Variants in PGAP2 observed in about 807,000 individuals in gnomAD.
PGAP2 encodes acyltransferase PGAP2.
Under a neutral mutation model 33.2 loss-of-function variants are expected in PGAP2, and 21 were observed. The ratio of observed to expected loss-of-function variants is 0.63; its 90% CI spans 0.45 to 0.91. PGAP2 has a LOEUF of 0.91. Ranked by LOEUF, PGAP2 falls within the 40% of genes least tolerant of loss-of-function variation. The pLI is 0.00. For missense variants in PGAP2, 345 were observed against 424.0 expected, an observed-to-expected ratio of 0.81 and a Z score of 1.64; for synonymous variants, 161 against 172.9, an observed-to-expected ratio of 0.93 and a Z score of 0.54.
At chr11:3,808,354 C>G (rs1427133344), upstream of PGAP2, 6 of 1,550,712 alleles carry the variant, frequency 3.9e-6, no homozygotes, top group South Asian at 6.0e-5. Flanking sequence ...TGCTCAAACT[C>G]AGGTATCCAG....
intron 1 of PGAP2, 137 bp downstream of exon 1, chr11:3,808,788 T>C (rs1249406344): frequency 1.6e-5 from 4 of 252,458 alleles, no homozygotes; most frequent in Admixed American, 6.4e-5. Context: ...ACACTCTGTT[T>C]CCCAGGAACT....
chr11:3,821,088 T>G (rs1446382219), intron 3 of PGAP2, among the ~76,000 whole-genome samples: 1 of 152,268 alleles, frequency 6.6e-6, no homozygotes, highest in East Asian at 1.9e-4. Flanking sequence ...AGCTATGGCT[T>G]TGAGACCAGC....
rs1362170350 is a variant in PGAP2, at chr11:3,825,753, C to T, written c.*295C>T. 7.1e-6 allele frequency: 2 copies of T among 281,300 alleles called. No individual in the cohort carries two copies. The highest frequency in any genetic ancestry group is 5.0e-5 in the South Asian group (1 of 20,120). 17.4% of individuals were successfully genotyped at this position (281,300 alleles called of 1,614,324 possible). On this transcript the variant is annotated 3_prime_UTR_variant, in exon 7 of 7. Coordinates refer to ENST00000278243, the MANE Select transcript of PGAP2 (RefSeq NM_014489.4). ...AAAAAAACGTCCTGAGGTTCATGACCACCATCCAGTTTCTGGCCTTTACAC... is the reference window on the plus strand; with the variant it reads ...AAAAAAACGTCCTGAGGTTCATGACTACCATCCAGTTTCTGGCCTTTACAC...
chr11:3,803,374 G>A (rs1331126123), intron 1 of PGAP2, among the ~76,000 whole-genome samples: 3 of 147,356 alleles, frequency 2.0e-5, no homozygotes, highest in African/African-American at 7.6e-5. Context: ...TGATCCACCT[G>A]CCTCGGCCTC....
intron 1 of PGAP2, among the ~76,000 whole-genome samples, chr11:3,798,661 G>C (rs1205401700): frequency 4.3e-5 from 5 of 116,910 alleles, no homozygotes; most frequent in Middle Eastern, 8.9e-3. Context: ...TTGAGATGGA[G>C]TCTTGCTCTG....
chr11:3,798,206 A>G lies in PGAP2; in HGVS notation c.139+224A>G, dbSNP rs1213494019. On this transcript the variant is annotated intron_variant, in intron 1 of 6. Coordinates refer to the PGAP2 transcript ENST00000300730. ...CCCAGCACTTTCTTTCCCTCCCTGA[A>G]TTTCTAGGATGGACATTAGGAGCAT... 2.5e-6 allele frequency: 3 copies of G among 1,198,058 alleles called. No homozygotes were observed. The East Asian group carries it at 9.5e-5, about 38-fold the overall frequency. 74.2% of individuals were successfully genotyped at this position (1,198,058 alleles called of 1,614,324 possible).
chr11:3,801,056 C>T (rs912361234), intron 1 of PGAP2, among the ~76,000 whole-genome samples: 4 of 151,488 alleles, frequency 2.6e-5, no homozygotes, highest in African/African-American at 7.3e-5. Context: ...ATTGCTTGAA[C>T]CGGGGAGGCA....
chr11:3,823,635 G>A (rs1453252287), intron 3 of PGAP2: 12 of 1,538,464 alleles, frequency 7.8e-6, no homozygotes, highest in African/African-American at 1.4e-5. Flanking sequence ...CTGCGGGGGA[G>A]ATGGAGAAGG....
At position 3,823,054 on chromosome 11, in the gene PGAP2, T is replaced by TTTTTTTG. The variant is rs1316682518; in HGVS notation, c.349-829_349-828insTTTTTTG. On this transcript the variant is annotated intron_variant, in intron 3 of 6. Transcript: ENST00000278243. ...TTTTTTTTTTTTTTTTTTTTTTTTT[T>TTTTTTTG]GAGACAGAGTCTCACTCTGTTGCCC... 3.2e-5 allele frequency: 18 copies of TTTTTTTG among 565,092 alleles called. 1 individual carries two copies. In the African/African-American group the frequency reaches 3.9e-4, roughly 12 times the overall value. The allele number at this position is 565,092 out of a possible 1,614,324, so 35.0% of individuals were successfully genotyped here.
intron 2 of PGAP2, among the ~76,000 whole-genome samples, chr11:3,813,030 C>T (rs1210048738): frequency 6.6e-6 from 1 of 152,150 alleles, no homozygotes; most frequent in Non-Finnish European, 1.5e-5. Flanking sequence ...GATCATCCCG[C>T]AAAACCCTGC....
chr11:3,817,578 GAGGTGGCAGTT>G, intron 3 of PGAP2, 43 bp downstream of exon 3: 1 of 1,524,272 alleles, frequency 6.6e-7, no homozygotes, highest in Non-Finnish European at 9.1e-7. Context: ...GCCAGGTCAG[GAGGTGGCAGTT>G]AGGGTAGAAT....
chr11:3,825,676 A>G lies in PGAP2; in HGVS notation c.*218A>G, dbSNP rs1469654720. ...GGTCCTCAAACATCACCTTTACCTG[A>G]GAGGCCCCAAGAAGCTGAGCTGGCA... On this transcript the variant is annotated 3_prime_UTR_variant, in exon 7 of 7. Coordinates refer to ENST00000278243, the MANE Select transcript of PGAP2 (RefSeq NM_014489.4). 1.1e-5 allele frequency: 4 copies of G among 363,396 alleles called. No homozygotes were observed. The highest frequency in any genetic ancestry group is 2.0e-5 in the Non-Finnish European group (4 of 198,342). 22.5% of individuals were successfully genotyped at this position (363,396 alleles called of 1,614,324 possible).
At chr11:3,823,782 G>C in intron 3 of PGAP2, 101 bp from the exon 4 acceptor site, 2 of 1,598,938 alleles carry the variant, frequency 1.3e-6, no homozygotes, top group Non-Finnish European at 1.7e-6. Flanking sequence ...AAGGGGAGGG[G>C]CTGGAGCAGA....
At chr11:3,824,683 C>A in intron 5 of PGAP2, 2 of 799,918 alleles carry the variant, frequency 2.5e-6, no homozygotes, top group Non-Finnish European at 3.8e-6. Context: ...GAGGACTGGT[C>A]TGTCATAATT....
rs748853048 is a variant in PGAP2 at position 3,824,258 on chromosome 11, CTT to C, written c.602-10_602-9del. 5 of 1,614,216 alleles carry C rather than the reference CTT, an allele frequency of 3.1e-6. No homozygotes were observed. Among genetic ancestry groups the C allele is most frequent in the Non-Finnish European group, 3.4e-6 (4 of 1,180,020 alleles). On this transcript the variant is annotated splice_polypyrimidine_tract_variant and intron_variant, in intron 4 of 6. Coordinates refer to ENST00000278243, the MANE Select transcript of PGAP2 (RefSeq NM_014489.4). The stretch of plus-strand genomic sequence containing the variant: ...TCCCTGCAATGTGGCTCCCAATCCT[CTT>C]TCCCTCCAGCCATCCACGAAAATGC...
At chr11:3,803,319 G>A (rs1307908144) in intron 1 of PGAP2, among the ~76,000 whole-genome samples, 1 of 150,340 alleles carries the variant, frequency 6.7e-6, no homozygotes, top group African/African-American at 2.5e-5. Context: ...AGTAGAGACG[G>A]GGTTTCACCA....
At chr11:3,823,019 CTTTT>C in intron 3 of PGAP2, 1 of 385,008 alleles carries the variant, frequency 2.6e-6, no homozygotes, top group Admixed American at 5.6e-5. Flanking sequence ...TTTCTTTTTT[CTTTT>C]CTTTTTTTTT....
At chr11:3,824,192 C>T in intron 4 of PGAP2, 57 bp downstream of exon 4, 1 of 1,612,688 alleles carries the variant, frequency 6.2e-7, no homozygotes, top group Non-Finnish European at 8.5e-7. Flanking sequence ...ACGGGCCTGC[C>T]CCTACCACAT....
In PGAP2 at chr11:3,825,574, G is replaced by A. The variant is rs576196225; in HGVS notation, c.*116G>A. On this transcript the variant is annotated 3_prime_UTR_variant, in exon 7 of 7. Coordinates refer to ENST00000278243, the MANE Select transcript of PGAP2 (RefSeq NM_014489.4). ...TTGGCCTTACTGAAGATGGGGGAAG[G>A]GTAAGAAGGAAGGGTGTAGGCCAAG... is the stretch of plus-strand genomic sequence containing the variant. 6.0e-6 allele frequency: 7 copies of A among 1,162,674 alleles called. No homozygotes were observed. Among genetic ancestry groups the A allele is most frequent in the Non-Finnish European group, 8.5e-6 (7 of 824,162 alleles). The allele number at this position is 1,162,674 out of a possible 1,614,324, so 72.0% of individuals were successfully genotyped here.
Sources: allele counts gnomAD v4.1 joint callset (sites outside exome capture counted in the v4.1 genomes callset), GRCh38; gene constraint gnomAD v4.1.1; transcripts MANE v1.5; gene names NCBI Gene and HGNC (gene_info 2026-07-23, HGNC 2026-07-21).